Variants in ZNF638 observed in about 807,000 individuals in gnomAD.
ZNF638 encodes the protein zinc finger protein 638, also known as CTCL tumor antigen se33-1.
Under a neutral mutation model 195.6 loss-of-function variants are expected in ZNF638, and 46 were observed. The ratio of observed to expected loss-of-function variants is 0.24; its 90% confidence interval spans 0.19 to 0.30. The LOEUF (loss-of-function observed/expected upper bound fraction) is 0.30, where lower values mean the gene tolerates loss of function less well. Among genes scored for constraint, ZNF638 ranks in the 10% least tolerant of loss-of-function variants. The pLI, the probability that ZNF638 is intolerant of heterozygous loss-of-function variation, is 1.00. For missense variants in ZNF638, 2,440 were observed against 2,325.3 expected (o/e 1.05, Z -1.01); for synonymous variants, 845 against 772.0 (o/e 1.09, Z -1.57).
chr2:71,352,464 C>T (rs542043935), intron 2 of ZNF638, among the ~76,000 whole-genome samples: 3 of 141,478 alleles, frequency 2.1e-5, no homozygotes, highest in South Asian at 4.5e-4. Context: ...GGTGACAGAG[C>T]GAGACTCCAT....
At chr2:71,381,642 T>C (rs1043490520) in intron 10 of ZNF638, among the ~76,000 whole-genome samples, 1 of 152,122 alleles carries the variant, frequency 6.6e-6, no homozygotes, top group East Asian at 1.9e-4. Context: ...GAATGTGTCA[T>C]GTTAAAGAGT....
chr2:71,401,004 A>G (rs1356050615), intron 15 of ZNF638, among the ~76,000 whole-genome samples: 2 of 152,202 alleles, frequency 1.3e-5, no homozygotes, highest in African/African-American at 4.8e-5. Context: ...TTAATACATT[A>G]CAATCATTAA....
intron 21 of ZNF638, 124 bp downstream of exon 21, chr2:71,418,763 C>A (rs1180962522): frequency 1.9e-5 from 11 of 565,158 alleles, no homozygotes; most frequent in Non-Finnish European, 2.9e-5. Flanking sequence ...ATTTTGTGTA[C>A]ATATGGGCTT....
Position 71,428,559 on chromosome 2 carries a change from C to T in ZNF638, c.5558C>T (p.Thr1853Ile). The change falls in exon 25 of 28, where the codon ACC (threonine) becomes ATC (isoleucine). Residue 1853 changes from threonine to isoleucine, a missense_variant. Around this residue, in one of 5 missense-constraint regions of ZNF638, gnomAD observed 1,883 missense variants for 1,739.1 expected, o/e 1.08. Coordinates refer to ENST00000264447, the MANE Select transcript of ZNF638 (RefSeq NM_014497.5). ...TTTCTTTTTAAAGCTAAAACTCCAACCAAGAGAGTTAGAATTGGGAAAACT... is the reference window on the plus strand; with the variant it reads ...TTTCTTTTTAAAGCTAAAACTCCAATCAAGAGAGTTAGAATTGGGAAAACT... ...IERHLTAKTPTKRVRIGKTLP... is the reference protein window; with the variant it reads ...IERHLTAKTPIKRVRIGKTLP... The T allele has an allele frequency of 1.2e-6, 2 of 1,613,510 alleles. No individual in the cohort carries two copies. The highest frequency in any genetic ancestry group is 1.7e-6 in the Non-Finnish European group (2 of 1,179,816).
chr2:71,402,872 A>T (rs1199780829), intron 16 of ZNF638, among the ~76,000 whole-genome samples: 1 of 152,104 alleles, frequency 6.6e-6, no homozygotes, highest in East Asian at 1.9e-4. Context: ...GTAGAATAGG[A>T]TATATGTTTT....
At chr2:71,382,762 A>T (rs1448808731) in intron 10 of ZNF638, among the ~76,000 whole-genome samples, 1 of 152,202 alleles carries the variant, frequency 6.6e-6, no homozygotes, top group Non-Finnish European at 1.5e-5. Context: ...GAGTTTTAGA[A>T]AATGAGAAGT....
intron 7 of ZNF638, among the ~76,000 whole-genome samples, chr2:71,369,515 T>C (rs969218154): frequency 1.2e-4 from 18 of 152,016 alleles, no homozygotes; most frequent in Admixed American, 7.9e-4. Flanking sequence ...GGGAACATAG[T>C]GATAGTGTTG....
In ZNF638 at chr2:71,349,045, T is replaced by C. The variant is rs1020287160; in HGVS notation, c.91T>C (p.Phe31Leu). 6.2e-7 allele frequency: 1 copy of C among 1,614,050 alleles called. No individual in the cohort carries two copies. The highest frequency in any genetic ancestry group is 1.3e-5 in the African/African-American group (1 of 74,914). ...NPSGMRPPGP[F>L]MRPGSMGLPR... ...TTCTGGGATGAGGCCTCCAGGACCA[T>C]TTATGAGGCCTGGATCTATGGGTCT... Residue 31 changes from phenylalanine to leucine, a missense_variant, in exon 2 of 28, where the codon TTT (phenylalanine) becomes CTT (leucine). Coordinates refer to ENST00000264447, the MANE Select transcript of ZNF638 (RefSeq NM_014497.5).
At chr2:71,363,859 A>G (rs2079150596) in intron 4 of ZNF638, 95 bp from the exon 5 acceptor site, 1 of 1,410,236 alleles carries the variant, frequency 7.1e-7, no homozygotes. Context: ...GGTATTGTTA[A>G]CAGTCTGTTT....
intron 16 of ZNF638, among the ~76,000 whole-genome samples, 192 bp downstream of exon 16, chr2:71,402,279 G>A (rs1376857620): frequency 6.6e-6 from 1 of 152,128 alleles, no homozygotes; most frequent in African/African-American, 2.4e-5. Flanking sequence ...TAGTTTTAAT[G>A]ATGGGGACAA....
intron 6 of ZNF638, 121 bp downstream of exon 6, chr2:71,365,827 C>T: frequency 1.0e-6 from 1 of 974,866 alleles, no homozygotes; most frequent in Non-Finnish European, 1.5e-6. Context: ...TCAAGTGATC[C>T]TCCTGCCTCA....
intron 10 of ZNF638, among the ~76,000 whole-genome samples, chr2:71,390,004 A>G (rs2079737733): frequency 6.6e-6 from 1 of 152,246 alleles, no homozygotes; most frequent in Non-Finnish European, 1.5e-5. Flanking sequence ...AAAAGGGAGA[A>G]AACCCCAAAT....
At chr2:71,378,671 A>G (rs2542519) in intron 8 of ZNF638, among the ~76,000 whole-genome samples, 15,061 of 152,236 alleles carry the variant, frequency 0.099, 815 homozygotes, top group Non-Finnish European at 0.12. Context: ...AAAATTAGGA[A>G]AGGGGAATAG....
chr2:71,395,355 G>C, intron 10 of ZNF638: 1 of 712,322 alleles, frequency 1.4e-6, no homozygotes, highest in Non-Finnish European at 2.6e-6. Flanking sequence ...AAAAGGGGGA[G>C]ATGTAGGAGA....
chr2:71,357,857 A>G (rs2079049593), intron 3 of ZNF638, among the ~76,000 whole-genome samples: 1 of 152,198 alleles, frequency 6.6e-6, no homozygotes, highest in Non-Finnish European at 1.5e-5. Flanking sequence ...TGTACTTCCC[A>G]TAATTTGCCT....
chr2:71,349,527 T>C lies in ZNF638; in HGVS notation c.573T>C (p.Ser191=). 1 of 1,614,138 alleles carries C rather than the reference T, an allele frequency of 6.2e-7. No individual in the cohort carries two copies. The highest frequency in any genetic ancestry group is 2.2e-5 in the East Asian group (1 of 44,874). The change falls in exon 2 of 28, where the codon TCT becomes TCC. Residue 191 remains serine (S), a synonymous_variant. Transcript: ENST00000264447. ...KMGRRLPNLP[S]QSRNKETLGS... is the part of the protein sequence containing the mutation. ...GGCGCCGATTACCTAATTTACCTTC[T>C]CAGAGCAGAAATAAAGAAACACTTG...
At chr2:71,427,556 A>G in intron 24 of ZNF638, 142 bp downstream of exon 24, 1 of 573,052 alleles carries the variant, frequency 1.7e-6, no homozygotes, top group Non-Finnish European at 2.7e-6. Flanking sequence ...GTCAACAATA[A>G]ATTTTCCAAA....
At position 71,355,786 on chromosome 2, in the gene ZNF638, A is replaced by G; in HGVS notation, c.1379+6A>G. The G allele has an allele frequency of 6.4e-7, 1 of 1,562,244 alleles. No homozygotes were observed. Among genetic ancestry groups the G allele is most frequent in the Non-Finnish European group, 8.7e-7 (1 of 1,146,218 alleles). ...TGTCGACAGTTACGTCAACAGTAAG[A>G]ATATATTTTTCCTTTATTATAGATA... is the stretch of plus-strand genomic sequence containing the variant. On this transcript the variant is annotated splice_donor_region_variant and intron_variant, in intron 3 of 27. Transcript: ENST00000264447.
intron 8 of ZNF638, among the ~76,000 whole-genome samples, chr2:71,370,680 A>G (rs1296273986): frequency 6.6e-6 from 1 of 152,068 alleles, no homozygotes; most frequent in Non-Finnish European, 1.5e-5. Flanking sequence ...CTTAAAAAAA[A>G]TTATTGTATT....
Sources: gnomAD v4.1 joint callset for allele counts (sites outside exome capture counted in the v4.1 genomes callset) on GRCh38, gnomAD v4.1.1 for gene constraint, gnomAD v4.1.1 regional missense constraint, MANE v1.5 for transcripts, NCBI Gene and HGNC (gene_info 2026-07-23, HGNC 2026-07-21) for gene names.